Variants in NEDD4 observed in about 807,000 individuals in gnomAD.
The protein encoded by NEDD4 is E3 ubiquitin-protein ligase NEDD4.
NEDD4 carries 99 observed loss-of-function variants against 144.9 expected under a neutral mutation model. The ratio of observed to expected loss-of-function variants is 0.68; its 90% confidence interval spans 0.58 to 0.81. NEDD4 has a LOEUF of 0.81. NEDD4 is among the 30% of genes least tolerant of loss of function. The probability of loss-of-function intolerance (pLI) is 0.00; values close to 1 mark genes in which losing one functional copy is unlikely to be tolerated. For missense variants in NEDD4, 985 were observed against 1,065.9 expected (o/e 0.92, Z 1.06); for synonymous variants, 318 against 350.6 (o/e 0.91, Z 1.04).
chr15:55,899,966 T>A (rs1262761410), intron 5 of NEDD4, among the ~76,000 whole-genome samples: 1 of 152,130 alleles, frequency 6.6e-6, no homozygotes, highest in African/African-American at 2.4e-5. Context: ...TACTTTCTGG[T>A]TTTAAGATCT....
chr15:55,926,027 G>A (rs952533), intron 4 of NEDD4, among the ~76,000 whole-genome samples: 20,546 of 151,206 alleles, frequency 0.14, 1,507 homozygotes, highest in East Asian at 0.32. Context: ...ATACATATAC[G>A]TATGTATCAT....
At chr15:55,876,084 A>G (rs772893795) in intron 5 of NEDD4, among the ~76,000 whole-genome samples, 13 of 152,256 alleles carry the variant, frequency 8.5e-5, no homozygotes, top group Non-Finnish European at 1.8e-4. Context: ...AATGGAAGCC[A>G]GAAGACAACT....
intron 2 of NEDD4, among the ~76,000 whole-genome samples, chr15:55,963,988 A>T (rs1253569625): frequency 6.6e-6 from 1 of 152,138 alleles, no homozygotes; most frequent in Non-Finnish European, 1.5e-5. Context: ...ATTGAATTGT[A>T]GTTCCCCCAT....
chr15:55,913,763 C>T (rs1484721715), intron 5 of NEDD4, among the ~76,000 whole-genome samples: 1 of 151,974 alleles, frequency 6.6e-6, no homozygotes, highest in Non-Finnish European at 1.5e-5. Context: ...ATACTCTTCT[C>T]AAAAGCATCC....
At chr15:55,905,362 G>A (rs2036056540) in intron 5 of NEDD4, 2 of 442,370 alleles carry the variant, frequency 4.5e-6, no homozygotes, top group Non-Finnish European at 9.0e-6. Flanking sequence ...ACTAACAATT[G>A]GGGGGTTTCC....
chr15:55,839,361 G>T (rs1162830157), intron 21 of NEDD4, among the ~76,000 whole-genome samples: 1 of 152,050 alleles, frequency 6.6e-6, no homozygotes, highest in Non-Finnish European at 1.5e-5. Context: ...GCTATGAGGA[G>T]GCCATTGTTT....
intron 5 of NEDD4, chr15:55,916,255 T>C: frequency 6.2e-7 from 1 of 1,614,086 alleles, no homozygotes; most frequent in South Asian, 1.1e-5. Flanking sequence ...GGTGGAAAAG[T>C]ATAACTACTA....
intron 5 of NEDD4, among the ~76,000 whole-genome samples, chr15:55,895,674 A>C (rs531212829): frequency 7.3e-4 from 111 of 152,278 alleles, no homozygotes; most frequent in African/African-American, 2.6e-3. Context: ...AATGTGTGAG[A>C]ATTTGCAGTT....
chr15:55,984,069 TAC>T (rs1449539955), intron 1 of NEDD4, among the ~76,000 whole-genome samples: 8 of 152,312 alleles, frequency 5.3e-5, no homozygotes, highest in Middle Eastern at 3.4e-3. Context: ...ACGTGCCTGA[TAC>T]ATAGTGTTCA....
chr15:55,851,076 G>C (rs1347107615), intron 13 of NEDD4, among the ~76,000 whole-genome samples: 1 of 152,170 alleles, frequency 6.6e-6, no homozygotes, highest in Non-Finnish European at 1.5e-5. Context: ...AGGTCTGCAA[G>C]CTCAAGCCCT....
At chr15:55,946,748 T>G (rs2037122900) in intron 4 of NEDD4, among the ~76,000 whole-genome samples, 1 of 152,128 alleles carries the variant, frequency 6.6e-6, no homozygotes, top group Admixed American at 6.5e-5. Flanking sequence ...ATTGACCACA[T>G]AGTTGGAAGT....
chr15:55,900,695 A>G (rs2035887896), intron 5 of NEDD4, among the ~76,000 whole-genome samples: 1 of 152,208 alleles, frequency 6.6e-6, no homozygotes, highest in African/African-American at 2.4e-5. Context: ...TGAATCATAC[A>G]AAATTGAGCT....
intron 1 of NEDD4, 40 bp downstream of exon 1, chr15:55,993,471 C>G: frequency 6.3e-7 from 1 of 1,591,658 alleles, no homozygotes; most frequent in Non-Finnish European, 8.5e-7. Context: ...GCTGAATAAC[C>G]CGAAGGGAAG....
intron 1 of NEDD4, among the ~76,000 whole-genome samples, chr15:55,986,277 T>C (rs1019170360): frequency 3.9e-5 from 6 of 152,068 alleles, no homozygotes; most frequent in Non-Finnish European, 8.8e-5. Context: ...TGACGAGAAA[T>C]AGGATATTGG....
At chr15:55,932,426 C>T (rs111538206) in intron 4 of NEDD4, among the ~76,000 whole-genome samples, 20,750 of 152,064 alleles carry the variant, frequency 0.14, 1,540 homozygotes, top group East Asian at 0.32. Context: ...GGAAAGGATT[C>T]CCTATTTAAT....
chr15:55,916,056 G>A (rs772132686), intron 5 of NEDD4: 1 of 1,613,850 alleles, frequency 6.2e-7, no homozygotes, highest in Non-Finnish European at 8.5e-7. Flanking sequence ...ACGTTTTAGT[G>A]GAATTTTTGT....
At chr15:55,912,900 A>T (rs12442991) in intron 5 of NEDD4, among the ~76,000 whole-genome samples, 1 of 152,006 alleles carries the variant, frequency 6.6e-6, no homozygotes, top group African/African-American at 2.4e-5. Context: ...CAACATTATT[A>T]TGGAGATAGA....
rs936134109 is a variant in NEDD4, at chr15:55,856,305, G to A, written c.961-109C>T. 4.1e-5 allele frequency: 38 copies of A among 926,530 alleles called. No homozygotes were observed. The Admixed American group carries it at 8.8e-4, about 21-fold the overall frequency. 57.4% of individuals were successfully genotyped at this position (926,530 alleles called of 1,614,324 possible). A position where few individuals can be genotyped will look rare whatever the true frequency, so the allele number is the denominator to read the frequency against. ...ATGACAGGGCAGAAGAGAGAAGGCTGGCTAGGATGCAAATGTTGAGAGTGC... is the reference window on the plus strand; with the variant it reads ...ATGACAGGGCAGAAGAGAGAAGGCTAGCTAGGATGCAAATGTTGAGAGTGC... On this transcript the variant is annotated intron_variant, in intron 11 of 28. Coordinates refer to ENST00000435532, the MANE Select transcript of NEDD4 (RefSeq NM_006154.4).
intron 4 of NEDD4, among the ~76,000 whole-genome samples, chr15:55,944,405 C>A (rs951350119): frequency 1.3e-5 from 2 of 152,182 alleles, no homozygotes; most frequent in Non-Finnish European, 2.9e-5. Flanking sequence ...AGTCTGAGAT[C>A]GACCTGCCAG....
Sources: allele counts gnomAD v4.1 joint callset (sites outside exome capture counted in the v4.1 genomes callset), GRCh38; gene constraint gnomAD v4.1.1; transcripts MANE v1.5; gene names NCBI Gene and HGNC (gene_info 2026-07-23, HGNC 2026-07-21).